SP4: variants seen among roughly 807,000 people sequenced by gnomAD.
The protein encoded by SP4 is Sp4 transcription factor.
SP4 carries 19 observed loss-of-function variants against 72.8 expected under a neutral mutation model. That is an observed-to-expected ratio of 0.26 (90% CI 0.18 to 0.38). The LOEUF is 0.38. Among genes scored for constraint, SP4 ranks in the 10% least tolerant of loss-of-function variants. The pLI is 1.00. For synonymous variants in SP4, 395 were observed against 333.1 expected (o/e 1.19, Z -2.02); for missense variants, 1,008 against 926.3 (o/e 1.09, Z -1.14).
In SP4 at chr7:21,502,069, T is replaced by G. The variant is rs1781884267; in HGVS notation, c.2108-8953T>G. On this transcript the variant is annotated intron_variant, in intron 5 of 5. Coordinates refer to ENST00000222584, the MANE Select transcript of SP4 (RefSeq NM_003112.5). ...CCCCCCCCCCGGAACTCCTATAGAGTTAACATATATATTGGGATCAAAAGA... is the reference window on the plus strand; with the variant it reads ...CCCCCCCCCCGGAACTCCTATAGAGGTAACATATATATTGGGATCAAAAGA... Among the ~76,000 whole-genome samples the G allele has an allele frequency of 3.6e-5, 4 of 110,282 alleles. 1 individual carries two copies. The highest frequency in any genetic ancestry group is 3.7e-4 in the South Asian group (1 of 2,738). 72.3% of individuals were successfully genotyped at this position (110,282 alleles called of 152,430 possible).
intron 3 of SP4, among the ~76,000 whole-genome samples, chr7:21,453,239 T>C (rs867865562): frequency 3.3e-5 from 5 of 152,224 alleles, no homozygotes; most frequent in African/African-American, 7.2e-5. Flanking sequence ...TTCATGAACA[T>C]TTCAGCTTTC....
intron 3 of SP4, among the ~76,000 whole-genome samples, chr7:21,440,851 AAACAACAACAACAAC>A (rs779338567): frequency 6.5e-5 from 9 of 138,494 alleles, no homozygotes; most frequent in Non-Finnish European, 1.4e-4. Context: ...CCCTGTCTCA[AAACAACAACAACAAC>A]AACAACAACA....
intron 5 of SP4, among the ~76,000 whole-genome samples, chr7:21,497,272 G>A (rs939437637): frequency 6.6e-6 from 1 of 152,168 alleles, no homozygotes; most frequent in African/African-American, 2.4e-5. Flanking sequence ...AGCCTCAGCT[G>A]TGTTCCACCC....
chr7:21,450,012 A>G (rs748807481), intron 3 of SP4, among the ~76,000 whole-genome samples: 3 of 151,844 alleles, frequency 2.0e-5, no homozygotes, highest in Non-Finnish European at 4.4e-5. Context: ...AGTTATTTAT[A>G]TTTTATTTTA....
intron 3 of SP4, among the ~76,000 whole-genome samples, chr7:21,433,318 C>G (rs1452102748): frequency 6.6e-6 from 1 of 152,082 alleles, no homozygotes; most frequent in Non-Finnish European, 1.5e-5. Context: ...TTCTTTTCCC[C>G]CTGAAACCAA....
intron 4 of SP4, among the ~76,000 whole-genome samples, chr7:21,478,984 C>T (rs912156203): frequency 6.6e-6 from 1 of 151,730 alleles, no homozygotes; most frequent in Non-Finnish European, 1.5e-5. Context: ...AGGAGAATTG[C>T]TTGAACCCAG....
rs568966070 is a variant in SP4, at chr7:21,473,958, A to G, written c.1679-3121A>G. Among the ~76,000 whole-genome samples, 5 of 152,338 alleles carry G rather than the reference A, an allele frequency of 3.3e-5. No homozygotes were observed. The South Asian group carries it at 1.0e-3, about 32-fold the overall frequency. On this transcript the variant is annotated intron_variant, in intron 3 of 5. Transcript: ENST00000222584. ...CAGTGGAAATAAAGCAGTATGTTGAACTTAGCTGTCTGTGAAACATCTAGA... is the reference window on the plus strand; with the variant it reads ...CAGTGGAAATAAAGCAGTATGTTGAGCTTAGCTGTCTGTGAAACATCTAGA...
At chr7:21,451,870 G>T (rs1783611877) in intron 3 of SP4, among the ~76,000 whole-genome samples, 1 of 152,176 alleles carries the variant, frequency 6.6e-6, no homozygotes. Context: ...TGAGAATTCT[G>T]AGACTCCCAA....
chr7:21,508,634 AGTTT>A (rs1344734479), intron 5 of SP4, among the ~76,000 whole-genome samples: 2 of 151,874 alleles, frequency 1.3e-5, no homozygotes, highest in African/African-American at 2.4e-5. Flanking sequence ...GCCTAAATAC[AGTTT>A]GTTTGTTTTT....
In SP4 at chr7:21,475,993, G is replaced by A. The variant is rs541149308; in HGVS notation, c.1679-1086G>A. ...AGATAATTATAAGGCATTGTAGGCC[G>A]GGCACGGTGGCTCACACCTGTAATT... is the stretch of plus-strand genomic sequence containing the variant. On this transcript the variant is annotated intron_variant, in intron 3 of 5. Transcript: ENST00000222584. Among the ~76,000 whole-genome samples, 49 of 152,214 alleles carry A rather than the reference G, an allele frequency of 3.2e-4. No individual in the cohort carries two copies. The South Asian group carries it at 5.2e-3, about 16-fold the overall frequency.
intron 2 of SP4, 39 bp from the exon 3 acceptor site, chr7:21,429,250 T>TCC: frequency 8.6e-7 from 1 of 1,159,780 alleles, no homozygotes. Context: ...CCCACTTTTT[T>TCC]TCCCCCCCCC....
At chr7:21,460,528 G>A (rs1583406638) in intron 3 of SP4, among the ~76,000 whole-genome samples, 1 of 152,318 alleles carries the variant, frequency 6.6e-6, no homozygotes, top group Middle Eastern at 3.4e-3. Flanking sequence ...AAAGAACAAA[G>A]CTTCCACAGT....
chr7:21,506,655 A>T (rs1782006431), intron 5 of SP4, among the ~76,000 whole-genome samples: 1 of 152,140 alleles, frequency 6.6e-6, no homozygotes, highest in Non-Finnish European at 1.5e-5. Context: ...TGCCTCAGTA[A>T]ATCCTCAGTT....
intron 3 of SP4, among the ~76,000 whole-genome samples, chr7:21,444,355 A>G (rs1384133342): frequency 6.6e-6 from 1 of 152,230 alleles, no homozygotes; most frequent in Non-Finnish European, 1.5e-5. Flanking sequence ...CATTTACTGC[A>G]CGTTTATAGT....
intron 5 of SP4, among the ~76,000 whole-genome samples, chr7:21,490,965 G>T (rs891179729): frequency 6.6e-6 from 1 of 152,092 alleles, no homozygotes. Context: ...TTTTTAACAG[G>T]GCCTAAAGTC....
intron 5 of SP4, among the ~76,000 whole-genome samples, chr7:21,504,123 C>A (rs1335337079): frequency 2.0e-5 from 3 of 152,140 alleles, no homozygotes; most frequent in African/African-American, 7.2e-5. Context: ...GGGAGGCTTG[C>A]TTAGCAGCTT....
intron 3 of SP4, among the ~76,000 whole-genome samples, chr7:21,437,362 C>T (rs968253224): frequency 2.0e-5 from 3 of 152,046 alleles, no homozygotes; most frequent in African/African-American, 4.8e-5. Context: ...CATAATTTAT[C>T]TTGATTTTAG....
intron 3 of SP4, among the ~76,000 whole-genome samples, chr7:21,437,871 C>T (rs1476441232): frequency 6.6e-6 from 1 of 152,036 alleles, no homozygotes. Flanking sequence ...TTGACAGACT[C>T]GCAAATGTAT....
chr7:21,430,595 T>C lies in SP4; in HGVS notation c.1430T>C (p.Ile477Thr), dbSNP rs1343404387. ...TGGCAAACTGTACAGGTTCAGAATA[T>C]TCAGAGTCTTTCAAATTTGCAAGTT... ...ISWQTVQVQN[I>T]QSLSNLQVQN... The change falls in exon 3 of 6, where the codon ATT becomes ACT. Residue 477 changes from isoleucine to threonine, a missense_variant. This residue lies in a region of SP4 where 893 missense variants were observed against 743.3 expected (regional missense o/e 1.20). Transcript: ENST00000222584. 6.2e-7 allele frequency: 1 copy of C among 1,614,218 alleles called. No individual in the cohort carries two copies. The highest frequency in any genetic ancestry group is 1.1e-5 in the South Asian group (1 of 91,086).
Sources: allele counts gnomAD v4.1 joint callset (sites outside exome capture counted in the v4.1 genomes callset), GRCh38; gene constraint gnomAD v4.1.1; regional missense constraint gnomAD v4.1.1; transcripts MANE v1.5; gene names NCBI Gene and HGNC (gene_info 2026-07-23, HGNC 2026-07-21).